Variants in VSIG1 observed in about 807,000 individuals in gnomAD.
VSIG1 encodes V-set and immunoglobulin domain-containing protein 1.
Under a neutral mutation model 20.1 loss-of-function variants are expected in VSIG1, and 11 were observed. That is an observed-to-expected ratio of 0.55 (90% CI 0.34 to 0.91). VSIG1 has a LOEUF of 0.91. VSIG1 is among the 40% of genes least tolerant of loss of function. The pLI, the probability that VSIG1 is intolerant of heterozygous loss-of-function variation, is 0.02. For synonymous variants in VSIG1, 126 were observed against 116.7 expected (o/e 1.08, Z -0.52); for missense variants, 283 against 298.8 (o/e 0.95, Z 0.39).
chrX:108,022,995 A>G, the VSIG1 span, among the ~76,000 whole-genome samples: 1 of 112,144 alleles, frequency 8.9e-6, no homozygotes, highest in Non-Finnish European at 1.9e-5. Flanking sequence ...CCAGAAGTAG[A>G]TGATAGTGCT....
intron 5 of VSIG1, among the ~76,000 whole-genome samples, chrX:108,074,577 C>G (rs1057363419): frequency 1.8e-5 from 2 of 111,969 alleles, no homozygotes; most frequent in Non-Finnish European, 3.8e-5. Context: ...GTCCTATACT[C>G]AAGGAGCTCA....
the VSIG1 span, among the ~76,000 whole-genome samples, chrX:108,029,067 A>G: frequency 3.0e-4 from 34 of 112,429 alleles, no homozygotes; most frequent in Non-Finnish European, 7.5e-5. Flanking sequence ...TAGTGTTGCC[A>G]AATAAAATAT....
the VSIG1 span, among the ~76,000 whole-genome samples, chrX:108,029,657 C>T: frequency 5.4e-5 from 6 of 112,070 alleles, no homozygotes; most frequent in Admixed American, 5.7e-4. Context: ...ATTTATCACA[C>T]CCTTGCTGAC....
chrX:108,054,441 T>C (rs1016192511), intron 1 of VSIG1, among the ~76,000 whole-genome samples: 4 of 111,673 alleles, frequency 3.6e-5, no homozygotes, highest in Non-Finnish European at 7.6e-5. Context: ...ATTTTTACGA[T>C]TTTATATTGG....
the VSIG1 span, among the ~76,000 whole-genome samples, chrX:108,033,480 C>A: frequency 1.8e-4 from 20 of 111,975 alleles, no homozygotes; most frequent in African/African-American, 6.5e-4. Context: ...TATTCAAAAG[C>A]AGTGCAGGTA....
intron 5 of VSIG1, 148 bp downstream of exon 5, chrX:108,073,517 A>G (rs2031294209): frequency 7.7e-6 from 5 of 647,648 alleles, no homozygotes; most frequent in Non-Finnish European, 1.2e-5. Flanking sequence ...ATGATGAATG[A>G]CCATCCTAAT....
At chrX:108,061,458 G>A (rs1385316913) in intron 2 of VSIG1, 2 of 1,167,060 alleles carry the variant, frequency 1.7e-6, no homozygotes. Context: ...TGAGGGTATG[G>A]AGGAAAAGGC....
At chrX:108,047,975 T>TATACACAC (rs2030689565) in intron 1 of VSIG1, among the ~76,000 whole-genome samples, 1 of 57,115 alleles carries the variant, frequency 1.8e-5, no homozygotes, top group Non-Finnish European at 3.1e-5. Flanking sequence ...TATATATATA[T>TATACACAC]ATATATATAT....
Position 108,047,959 on chromosome X carries a change from C to CATAT in VSIG1, c.49+2781_49+2782insTATA, listed in dbSNP as rs1288556783. On this transcript the variant is annotated intron_variant, in intron 1 of 6. Transcript: ENST00000217957. ...ACACATATATATATATATATACACA[C>CATAT]ACATATATATATATATATATATATA... Among the ~76,000 whole-genome samples, 40 of 14,806 alleles carry CATAT rather than the reference C, an allele frequency of 2.7e-3. 3 individuals are homozygous for CATAT. The highest frequency in any genetic ancestry group is 4.1e-3 in the Admixed American group (7 of 1,704). The allele number at this position is 14,806 out of a possible 115,157, so 12.9% of individuals were successfully genotyped here.
chrX:108,039,244 C>G, the VSIG1 span, among the ~76,000 whole-genome samples: 1 of 112,054 alleles, frequency 8.9e-6, no homozygotes. Flanking sequence ...GTGCAGTGGC[C>G]TGATCTGGGC....
Position 108,057,817 on chromosome X carries a change from A to T in VSIG1, c.50-221A>T, listed in dbSNP as rs187912619. On this transcript the variant is annotated intron_variant, in intron 1 of 6. Coordinates refer to ENST00000217957, the MANE Select transcript of VSIG1 (RefSeq NM_182607.5). Reference sequence around the variant, plus strand: ...AGTTCAGTGTTATTACCACACCATCATCTAGAATTTGAGTATCTTCATATG... The same window carrying T: ...AGTTCAGTGTTATTACCACACCATCTTCTAGAATTTGAGTATCTTCATATG... Among the ~76,000 whole-genome samples the T allele has an allele frequency of 6.7e-4, 74 of 111,151 alleles. 1 individual carries two copies. Among genetic ancestry groups the T allele is most frequent in the African/African-American group, 2.3e-3 (69 of 30,582 alleles).
chrX:108,067,105 A>C lies in VSIG1; in HGVS notation c.383A>C (p.Asn128Thr), dbSNP rs765542470. 8.3e-6 allele frequency: 10 copies of C among 1,211,455 alleles called. No homozygotes were observed. Among genetic ancestry groups the C allele is most frequent in the Non-Finnish European group, 1.0e-5 (9 of 895,362 alleles). Residue 128 changes from asparagine (N) to threonine (T), a missense_variant, in exon 3 of 7, where the codon AAC becomes ACC. Physicochemically the swap from Asn to Thr is moderately conservative, Grantham distance 65. Transcript: ENST00000217957. Reference protein sequence around the residue: ...VNNPPDFLGQNQGILNVSVLV... With the variant: ...VNNPPDFLGQTQGILNVSVLV... ...AACCCCCCAGACTTTCTCGGCCAAA[A>C]CCAAGGCATCCTCAACGTCAGTGTG...
the VSIG1 span, among the ~76,000 whole-genome samples, chrX:108,023,696 A>G: frequency 9.0e-6 from 1 of 111,561 alleles, no homozygotes; most frequent in Admixed American, 9.6e-5. Flanking sequence ...CCATTGAAAA[A>G]GTTTTGTTAA....
upstream of VSIG1, among the ~76,000 whole-genome samples, chrX:108,041,066 A>G (rs1361206505): frequency 9.3e-6 from 1 of 107,653 alleles, no homozygotes; most frequent in East Asian, 2.8e-4. Flanking sequence ...TAAGTTAAAA[A>G]TGAGGGATAA....
At chrX:108,045,635 T>C (rs1354167003) in intron 1 of VSIG1, among the ~76,000 whole-genome samples, 1 of 112,470 alleles carries the variant, frequency 8.9e-6, no homozygotes, top group East Asian at 2.8e-4. Context: ...AGTACTTTAC[T>C]GTCTAATATT....
At chrX:108,061,599 A>C in intron 2 of VSIG1, 6 of 954,958 alleles carry the variant, frequency 6.3e-6, no homozygotes, top group Non-Finnish European at 8.8e-6. Context: ...GGGCACTGGC[A>C]CCAGCTTTAG....
chrX:108,052,748 A>G (rs868076883), intron 1 of VSIG1, among the ~76,000 whole-genome samples: 15 of 112,362 alleles, frequency 1.3e-4, no homozygotes, highest in Admixed American at 5.7e-4. Flanking sequence ...TCCCATAAAT[A>G]TATGCAATAA....
intron 2 of VSIG1, among the ~76,000 whole-genome samples, chrX:108,065,104 T>C (rs2031101763): frequency 8.9e-6 from 1 of 112,168 alleles, no homozygotes; most frequent in African/African-American, 3.2e-5. Context: ...CAAATAGTTT[T>C]CTCTGTAAAT....
At chrX:108,019,899 C>T in the VSIG1 span, among the ~76,000 whole-genome samples, 1 of 111,415 alleles carries the variant, frequency 9.0e-6, no homozygotes, top group Non-Finnish European at 1.9e-5. Flanking sequence ...GAACCTGAAG[C>T]AGGAGCCACT....
Sources: allele counts gnomAD v4.1 joint callset (sites outside exome capture counted in the v4.1 genomes callset), GRCh38; gene constraint gnomAD v4.1.1; transcripts MANE v1.5; gene names NCBI Gene and HGNC (gene_info 2026-07-23, HGNC 2026-07-21).